Variants in TBC1D5 observed in about 807,000 individuals in gnomAD.
The protein encoded by TBC1D5 is TBC1 domain family, member 5.
A neutral mutation model predicts 100.3 loss-of-function variants in TBC1D5; 75 were observed. The observed-to-expected ratio is 0.75, with a 90% confidence interval of 0.62 to 0.91. The LOEUF (loss-of-function observed/expected upper bound fraction) is 0.91. TBC1D5 is among the 40% of genes least tolerant of loss of function. The pLI is 0.00. For missense variants in TBC1D5, 910 were observed against 942.4 expected (o/e 0.97, Z 0.45); for synonymous variants, 323 against 325.6 (o/e 0.99, Z 0.09).
intron 13 of TBC1D5, among the ~76,000 whole-genome samples, chr3:17,365,524 A>T (rs979867604): frequency 6.6e-6 from 1 of 152,234 alleles, no homozygotes; most frequent in Non-Finnish European, 1.5e-5. Flanking sequence ...TCCGACAAGG[A>T]AATTTAAGCC....
intron 1 of TBC1D5, among the ~76,000 whole-genome samples, chr3:17,639,174 A>G (rs977659011): frequency 4.6e-5 from 7 of 152,212 alleles, no homozygotes; most frequent in African/African-American, 1.4e-4. Flanking sequence ...CTAGCAATGT[A>G]GTAATATTCA....
At chr3:17,645,345 T>G (rs558184684) in intron 1 of TBC1D5, among the ~76,000 whole-genome samples, 2 of 152,242 alleles carry the variant, frequency 1.3e-5, no homozygotes, top group East Asian at 3.9e-4. Context: ...GTTATAATTA[T>G]AGCTGGGAAC....
chr3:17,396,663 T>C (rs1384253732), intron 8 of TBC1D5, among the ~76,000 whole-genome samples: 1 of 151,980 alleles, frequency 6.6e-6, no homozygotes, highest in African/African-American at 2.4e-5. Context: ...AAAACTAATC[T>C]AGTTTCCATC....
chr3:17,596,534 G>A (rs1043723255), intron 2 of TBC1D5, among the ~76,000 whole-genome samples: 11 of 150,972 alleles, frequency 7.3e-5, no homozygotes, highest in Admixed American at 7.2e-4. Flanking sequence ...TGGCTAGGCT[G>A]GTCTTGAACT....
At position 17,449,326 on chromosome 3, in the gene TBC1D5, C is replaced by T. The variant is rs143734410; in HGVS notation, c.98-20807G>A. On this transcript the variant is annotated intron_variant, in intron 3 of 21. Coordinates refer to ENST00000253692, the Ensembl canonical transcript of TBC1D5. Reference sequence around the variant, plus strand: ...ACTGGGCAGCCATTTGGGGCAGACACCAAGCTAGTAGGAGTTTTTTTCATA... The same window carrying T: ...ACTGGGCAGCCATTTGGGGCAGACATCAAGCTAGTAGGAGTTTTTTTCATA... Among the ~76,000 whole-genome samples, 526 of 152,266 alleles carry T rather than the reference C, an allele frequency of 3.5e-3. 3 individuals are homozygous for T. Among genetic ancestry groups the T allele is most frequent in the African/African-American group, 0.012 (511 of 41,558 alleles).
At chr3:17,253,532 C>G (rs1574969734) in intron 16 of TBC1D5, among the ~76,000 whole-genome samples, 1 of 152,154 alleles carries the variant, frequency 6.6e-6, no homozygotes, top group East Asian at 1.9e-4. Flanking sequence ...AATGTTCAAT[C>G]TGATGAGTTT....
chr3:17,243,468 T>C (rs1035217613), intron 16 of TBC1D5, among the ~76,000 whole-genome samples: 3 of 152,194 alleles, frequency 2.0e-5, no homozygotes, highest in African/African-American at 2.4e-5. Flanking sequence ...ATGTATGATA[T>C]AGCACACTCT....
intron 2 of TBC1D5, among the ~76,000 whole-genome samples, chr3:17,551,271 T>C (rs1029121313): frequency 1.3e-5 from 2 of 152,128 alleles, no homozygotes; most frequent in East Asian, 1.9e-4. Flanking sequence ...TAAAAGTATA[T>C]CTTTTTAATA....
chr3:17,728,206 C>T (rs773964097), intron 1 of TBC1D5, among the ~76,000 whole-genome samples: 1 of 152,142 alleles, frequency 6.6e-6, no homozygotes. Context: ...TTGCCATTAA[C>T]ATCAGGCATC....
At chr3:17,298,336 A>C (rs761019996) in intron 14 of TBC1D5, among the ~76,000 whole-genome samples, 3 of 152,220 alleles carry the variant, frequency 2.0e-5, no homozygotes, top group Non-Finnish European at 4.4e-5. Context: ...TTAAGTTCTA[A>C]AGACATGAAA....
intron 1 of TBC1D5, among the ~76,000 whole-genome samples, chr3:17,732,720 A>AAAATAAATAAATAAATAAATAAATAAAT (rs60531914): frequency 0.011 from 1,612 of 144,848 alleles, 19 homozygotes; most frequent in Non-Finnish European, 0.016. Flanking sequence ...CCGTCTCAAA[A>AAAATAAATAAATAAATAAATAAATAAAT]AAATAAATAA....
At chr3:17,620,039 C>T (rs751500713) in intron 2 of TBC1D5, among the ~76,000 whole-genome samples, 12 of 152,182 alleles carry the variant, frequency 7.9e-5, no homozygotes, top group Non-Finnish European at 1.8e-4. Flanking sequence ...GAAACAAGCA[C>T]TCTCATACAC....
chr3:17,732,577 A>G (rs2076653084), intron 1 of TBC1D5, among the ~76,000 whole-genome samples: 1 of 151,774 alleles, frequency 6.6e-6, no homozygotes, highest in East Asian at 2.0e-4. Context: ...CAACTCTACT[A>G]AAAATACAAA....
chr3:17,266,401 T>C (rs1559517177), intron 15 of TBC1D5, among the ~76,000 whole-genome samples: 3 of 152,182 alleles, frequency 2.0e-5, no homozygotes. Flanking sequence ...TTATTTCTTA[T>C]TCTTCATTTA....
chr3:17,208,205 T>C (rs954065072), intron 18 of TBC1D5, among the ~76,000 whole-genome samples: 7 of 152,326 alleles, frequency 4.6e-5, no homozygotes, highest in Non-Finnish European at 1.5e-5. Context: ...GTCCCGGCTA[T>C]GGGCCTAAGC....
At chr3:17,716,316 A>G (rs756296845) in intron 1 of TBC1D5, among the ~76,000 whole-genome samples, 4 of 152,090 alleles carry the variant, frequency 2.6e-5, no homozygotes, top group Non-Finnish European at 5.9e-5. Flanking sequence ...CTCAGCTGCA[A>G]TATTTGTCTG....
intron 15 of TBC1D5, among the ~76,000 whole-genome samples, chr3:17,268,369 C>G (rs944740007): frequency 5.3e-5 from 8 of 151,958 alleles, no homozygotes; most frequent in African/African-American, 1.9e-4. Context: ...CCACAGAATC[C>G]TCTGCTTTCT....
chr3:17,538,089 G>A (rs2096302679), intron 2 of TBC1D5, among the ~76,000 whole-genome samples: 2 of 152,150 alleles, frequency 1.3e-5, no homozygotes, highest in South Asian at 2.1e-4. Context: ...GTATGTCAGA[G>A]TAGGTAGTTA....
chr3:17,409,003 A>G (rs188870330), intron 4 of TBC1D5, among the ~76,000 whole-genome samples: 12 of 152,246 alleles, frequency 7.9e-5, no homozygotes, highest in Admixed American at 7.9e-4. Context: ...TAATGTTCAA[A>G]TTTATTGTCT....
Sources: gnomAD v4.1 joint callset for allele counts (sites outside exome capture counted in the v4.1 genomes callset) on GRCh38, gnomAD v4.1.1 for gene constraint, MANE v1.5 for transcripts, NCBI Gene and HGNC (gene_info 2026-07-23, HGNC 2026-07-21) for gene names.